Variants in PACRG observed in about 807,000 individuals in gnomAD.
PACRG encodes the protein parkin coregulated, also known as parkin coregulated gene protein.
PACRG carries 29 observed loss-of-function variants against 29.7 expected under a neutral mutation model. The observed-to-expected ratio is 0.98, with a 90% confidence interval of 0.73 to 1.33. The LOEUF (loss-of-function observed/expected upper bound fraction) is 1.33, where lower values mean the gene tolerates loss of function less well. Among genes scored for constraint, PACRG ranks in the 40% most tolerant of loss-of-function variants. The pLI, the probability that PACRG is intolerant of heterozygous loss-of-function variation, is 0.00. For synonymous variants in PACRG, 116 were observed against 118.7 expected, an observed-to-expected ratio of 0.98 and a Z score of 0.15; for missense variants, 279 against 316.2, an observed-to-expected ratio of 0.88 and a Z score of 0.89.
chr6:163,269,821 GAGAAAGAAAGAAAGAAAAAGAA>G (rs1783676649), intron 4 of PACRG, among the ~76,000 whole-genome samples: 1 of 45,270 alleles, frequency 2.2e-5, no homozygotes, highest in African/African-American at 8.3e-5. Context: ...AGGAAGGAAG[GAGAAAGAAAGAAAGAAAAAGAA>G]AGAAAGAAAG....
In PACRG at chr6:163,058,824, C is replaced by T. The variant is rs149638548; in HGVS notation, c.292-3326C>T. 2.1e-3 allele frequency among the ~76,000 whole-genome samples: 322 copies of T among 152,296 alleles called. 2 individuals carry two copies. Among genetic ancestry groups the T allele is most frequent in the African/African-American group, 7.4e-3 (307 of 41,572 alleles). ...CTGAGGTGGGAGAATCGCGTGAACC[C>T]GGGAGGCAGAGCTTGCAGTGAGCCG... On this transcript the variant is annotated intron_variant, in intron 2 of 4. Coordinates refer to ENST00000366888, the MANE Select transcript of PACRG (RefSeq NM_001080379.2).
At chr6:162,817,261 GA>G (rs1377857198) in intron 2 of PACRG, among the ~76,000 whole-genome samples, 1 of 152,198 alleles carries the variant, frequency 6.6e-6, no homozygotes, top group Non-Finnish European at 1.5e-5. Context: ...TAGCTGACCT[GA>G]TCTTCACCAG....
intron 1 of PACRG, among the ~76,000 whole-genome samples, chr6:162,756,952 T>G (rs1477683495): frequency 5.3e-5 from 8 of 152,136 alleles, no homozygotes; most frequent in Non-Finnish European, 1.5e-5. Context: ...TTATCATAGA[T>G]TAAATACTCA....
At chr6:162,782,344 A>G (rs575577117) in intron 1 of PACRG, among the ~76,000 whole-genome samples, 1 of 152,040 alleles carries the variant, frequency 6.6e-6, no homozygotes, top group African/African-American at 2.4e-5. Context: ...GTAAGGATGT[A>G]GGCAATTATT....
At chr6:162,744,966 C>A (rs1003216055) in intron 1 of PACRG, among the ~76,000 whole-genome samples, 13 of 152,094 alleles carry the variant, frequency 8.5e-5, no homozygotes, top group Non-Finnish European at 1.9e-4. Flanking sequence ...AATGACCTGA[C>A]AATAGGTAAC....
intron 2 of PACRG, among the ~76,000 whole-genome samples, chr6:162,999,624 A>C (rs1426754289): frequency 2.6e-5 from 4 of 152,232 alleles, no homozygotes; most frequent in African/African-American, 9.6e-5. Context: ...TGACACATAG[A>C]ATTCCTTTCT....
chr6:162,729,316 A>G (rs1259890673), intron 1 of PACRG, among the ~76,000 whole-genome samples: 1 of 152,196 alleles, frequency 6.6e-6, no homozygotes, highest in Admixed American at 6.5e-5. Context: ...GCAATTCATT[A>G]TGTTAAATGA....
At chr6:162,734,988 T>TTCC (rs1338061373) in intron 1 of PACRG, among the ~76,000 whole-genome samples, 1 of 152,206 alleles carries the variant, frequency 6.6e-6, no homozygotes. Flanking sequence ...AATCATAAAG[T>TTCC]ATGTAATTGT....
intron 4 of PACRG, among the ~76,000 whole-genome samples, chr6:163,161,754 G>A (rs73012824): frequency 0.056 from 8,567 of 152,194 alleles, 339 homozygotes; most frequent in Non-Finnish European, 0.078. Context: ...GGTGTCCTCT[G>A]ACATCGGGGT....
chr6:163,276,781 T>C (rs1784044457), intron 4 of PACRG, among the ~76,000 whole-genome samples: 1 of 152,200 alleles, frequency 6.6e-6, no homozygotes, highest in Non-Finnish European at 1.5e-5. Flanking sequence ...CAACCATCTA[T>C]GAAGAACAGG....
intron 2 of PACRG, among the ~76,000 whole-genome samples, chr6:162,818,466 A>T (rs1176614470): frequency 3.3e-5 from 5 of 152,188 alleles, no homozygotes; most frequent in Non-Finnish European, 7.4e-5. Flanking sequence ...AATTGGTAAA[A>T]TACATGGCCC....
intron 2 of PACRG, among the ~76,000 whole-genome samples, chr6:162,947,434 T>TG: frequency 1.4e-5 from 1 of 73,176 alleles, no homozygotes; most frequent in East Asian, 3.1e-4. Context: ...AAATCATATA[T>TG]ATAAAATATA....
At chr6:163,202,349 T>A (rs888639763) in intron 4 of PACRG, among the ~76,000 whole-genome samples, 3 of 152,096 alleles carry the variant, frequency 2.0e-5, no homozygotes, top group African/African-American at 7.2e-5. Flanking sequence ...GAAATAAATA[T>A]ATATATATGT....
At chr6:162,745,402 G>A (rs1220859512) in intron 1 of PACRG, among the ~76,000 whole-genome samples, 1 of 152,052 alleles carries the variant, frequency 6.6e-6, no homozygotes, top group South Asian at 2.1e-4. Flanking sequence ...GGGGTGAGGG[G>A]AGGGAGAGCA....
At chr6:163,151,148 AAGAATATAC>A (rs1423301755) in intron 4 of PACRG, among the ~76,000 whole-genome samples, 1 of 152,214 alleles carries the variant, frequency 6.6e-6, no homozygotes, top group Non-Finnish European at 1.5e-5. Context: ...TTATTTGCAA[AAGAATATAC>A]AGAATCTTTA....
rs544765900 is a variant in PACRG at position 163,271,185 on chromosome 6, G to A, written c.614-43642G>A. ...GAAAGATGAAGGCCAGAAGACTCAG[G>A]CAGTCTAGTCTTTTCACATTCTTCT... On this transcript the variant is annotated intron_variant, in intron 4 of 4. Transcript: ENST00000366888. 6.7e-4 allele frequency among the ~76,000 whole-genome samples: 102 copies of A among 152,166 alleles called. 1 individual carries two copies. In the South Asian group the frequency reaches 0.018, roughly 26 times the overall value.
intron 4 of PACRG, among the ~76,000 whole-genome samples, chr6:163,123,398 T>A (rs1816384831): frequency 6.6e-6 from 1 of 152,236 alleles, no homozygotes; most frequent in Admixed American, 6.5e-5. Flanking sequence ...GCCAGCCTGG[T>A]TTTTCAAGCT....
Position 163,104,630 on chromosome 6 carries a change from A to T in PACRG, c.613+15222A>T, listed in dbSNP as rs530976575. On this transcript the variant is annotated intron_variant, in intron 4 of 4. Coordinates refer to ENST00000366888, the MANE Select transcript of PACRG (RefSeq NM_001080379.2). ...TAACTCGCATGTGATTCATTTGTAC[A>T]AATTTTAGTAAGATATAGAGCAAGC... Among the ~76,000 whole-genome samples the T allele has an allele frequency of 5.3e-5, 8 of 152,292 alleles. No individual in the cohort carries two copies. The South Asian group carries it at 1.7e-3, about 32-fold the overall frequency.
intron 4 of PACRG, among the ~76,000 whole-genome samples, chr6:163,152,423 A>T (rs1016349949): frequency 6.6e-6 from 1 of 152,250 alleles, no homozygotes; most frequent in Non-Finnish European, 1.5e-5. Flanking sequence ...TATATTAATT[A>T]GAGCCAAAAT....
Sources: allele counts gnomAD v4.1 joint callset (sites outside exome capture counted in the v4.1 genomes callset), GRCh38; gene constraint gnomAD v4.1.1; transcripts MANE v1.5; gene names NCBI Gene and HGNC (gene_info 2026-07-23, HGNC 2026-07-21).